Variants in NUP54 observed in about 807,000 individuals in gnomAD.
NUP54 encodes the protein nucleoporin p54.
A neutral mutation model predicts 66.4 loss-of-function variants in NUP54; 27 were observed. The observed-to-expected ratio is 0.41, with a 90% CI of 0.30 to 0.56. The LOEUF is 0.56. Ranked by LOEUF, NUP54 falls within the 20% of genes least tolerant of loss-of-function variation. The pLI, the probability that NUP54 is intolerant of heterozygous loss-of-function variation, is 0.34. For missense variants in NUP54, 486 were observed against 596.3 expected, an observed-to-expected ratio of 0.82 and a Z score of 1.93; for synonymous variants, 206 against 210.7, an observed-to-expected ratio of 0.98 and a Z score of 0.19.
intron 6 of NUP54, 49 bp downstream of exon 6, chr4:76,132,469 TGTTTA>T: frequency 7.5e-7 from 1 of 1,328,708 alleles, no homozygotes; most frequent in South Asian, 1.7e-5. Context: ...ATACGGGGAG[TGTTTA>T]GTTCTAAATC....
intron 1 of NUP54, chr4:76,147,669 ATTTT>A (rs1439704637): frequency 1.6e-6 from 2 of 1,276,728 alleles, no homozygotes; most frequent in Admixed American, 5.0e-5. Flanking sequence ...AAGAAACAAA[ATTTT>A]AAAAAGGGGG....
Position 76,118,171 on chromosome 4 carries a change from T to C in NUP54, c.1188A>G (p.Gln396=). 1 of 1,613,642 alleles carries C rather than the reference T, an allele frequency of 6.2e-7. No homozygotes were observed. Among genetic ancestry groups the C allele is most frequent in the Non-Finnish European group, 8.5e-7 (1 of 1,179,658 alleles). ...CCTGAATGGCATAACCACTCTTCCT[T>C]TGAATTTCCTGTTTGATTAGGACCT... ...TLQVLIKQEI[Q]RKSGYAIQAD... is the part of the protein sequence containing the mutation. Residue 396 remains glutamine, a synonymous_variant, in exon 10 of 12, where the codon CAA becomes CAG. Transcript: ENST00000264883.
intron 5 of NUP54, among the ~76,000 whole-genome samples, chr4:76,133,094 C>A (rs1204086877): frequency 6.6e-6 from 1 of 151,102 alleles, no homozygotes; most frequent in East Asian, 1.9e-4. Context: ...GACGGACACT[C>A]GCTATGTTGC....
At chr4:76,143,859 TA>T in intron 3 of NUP54, among the ~76,000 whole-genome samples, 1 of 152,184 alleles carries the variant, frequency 6.6e-6, no homozygotes, top group Non-Finnish European at 1.5e-5. Flanking sequence ...TTTGTAAACT[TA>T]TATATAATTC....
Position 76,125,784 on chromosome 4 carries a change from G to GGAGAGA in NUP54, c.1057-1029_1057-1028insTCTCTC, listed in dbSNP as rs1553942338. On this transcript the variant is annotated intron_variant, in intron 8 of 11. Transcript: ENST00000264883. ...GGGAGAGGGGGAGAGAGGGAGAGAGGGGGAGAGAGGGAGAGGGAGAGAGAG... is the reference window on the plus strand; with the variant it reads ...GGGAGAGGGGGAGAGAGGGAGAGAGGGAGAGAGGGAGAGAGGGAGAGGGAGAGAGAG... Among the ~76,000 whole-genome samples the GGAGAGA allele has an allele frequency of 8.0e-4, 15 of 18,682 alleles. 1 individual carries two copies. The highest frequency in any genetic ancestry group is 4.0e-3 in the African/African-American group (13 of 3,238). The allele number at this position is 18,682 out of a possible 152,430, so 12.3% of individuals were successfully genotyped here. A position where few individuals can be genotyped will look rare whatever the true frequency, so the allele number is the denominator to read the frequency against.
chr4:76,118,160 C>G lies in NUP54; in HGVS notation c.1199G>C (p.Gly400Ala), dbSNP rs553199013. 5 of 1,613,468 alleles carry G rather than the reference C, an allele frequency of 3.1e-6. No homozygotes were observed. In the South Asian group the frequency reaches 4.4e-5, roughly 14 times the overall value. Reference protein sequence around the residue: ...LIKQEIQRKSGYAIQADEEQL... With the variant: ...LIKQEIQRKSAYAIQADEEQL... ...CTCTTCATCAGCCTGAATGGCATAA[C>G]CACTCTTCCTTTGAATTTCCTGTTT... Residue 400 changes from glycine (G) to alanine (A), a missense_variant, in exon 10 of 12, where the codon GGT (glycine) becomes GCT (alanine). Physicochemically the swap from Gly to Ala is moderately conservative, Grantham distance 60 (BLOSUM62 0). Coordinates refer to ENST00000264883, the MANE Select transcript of NUP54 (RefSeq NM_017426.4).
chr4:76,140,056 T>C (rs1369868121), intron 3 of NUP54, among the ~76,000 whole-genome samples: 1 of 152,170 alleles, frequency 6.6e-6, no homozygotes, highest in Non-Finnish European at 1.5e-5. Context: ...TTGTTATTAC[T>C]GTTTCAAGAA....
At chr4:76,116,347 T>C (rs567923997) in intron 11 of NUP54, among the ~76,000 whole-genome samples, 52 of 152,298 alleles carry the variant, frequency 3.4e-4, no homozygotes, top group Admixed American at 3.3e-3. Flanking sequence ...CATAATAAAA[T>C]TGGATTTGTT....
chr4:76,119,587 A>C (rs1450416712), intron 9 of NUP54, among the ~76,000 whole-genome samples: 2 of 149,816 alleles, frequency 1.3e-5, no homozygotes, highest in African/African-American at 4.9e-5. Context: ...GATGTTGCCC[A>C]GGCTGGTCTC....
intron 3 of NUP54, among the ~76,000 whole-genome samples, chr4:76,137,120 G>A (rs549204338): frequency 2.6e-5 from 4 of 152,144 alleles, no homozygotes; most frequent in South Asian, 4.1e-4. Context: ...ATCCTGAGTC[G>A]CTGGGACTAC....
At chr4:76,130,986 G>T in intron 7 of NUP54, 1 of 600,710 alleles carries the variant, frequency 1.7e-6, no homozygotes, top group Non-Finnish European at 3.0e-6. Context: ...AACGCAAATA[G>T]AATTTTCCGC....
At chr4:76,140,979 T>C (rs769037841) in intron 3 of NUP54, among the ~76,000 whole-genome samples, 14 of 152,172 alleles carry the variant, frequency 9.2e-5, no homozygotes, top group Non-Finnish European at 1.9e-4. Context: ...AAAGTATCAG[T>C]TGTCGAAAGA....
At chr4:76,119,097 C>T (rs2109853682) in intron 9 of NUP54, among the ~76,000 whole-genome samples, 1 of 152,242 alleles carries the variant, frequency 6.6e-6, no homozygotes, top group East Asian at 1.9e-4. Flanking sequence ...TACTCACAGC[C>T]TTTCCAAATA....
chr4:76,118,363 TATC>T (rs752265878), intron 9 of NUP54, 169 bp from the exon 10 acceptor site: 16 of 624,258 alleles, frequency 2.6e-5, no homozygotes, highest in South Asian at 1.1e-4. Context: ...AGGCAAAAGT[TATC>T]ATATAAATAC....
Position 76,134,317 on chromosome 4 carries a change from G to A in NUP54, c.568C>T (p.Leu190=). The A allele has an allele frequency of 6.2e-7, 1 of 1,613,568 alleles. No homozygotes were observed. The highest frequency in any genetic ancestry group is 8.5e-7 in the Non-Finnish European group (1 of 1,179,784). Residue 190 remains leucine (L), a synonymous_variant, in exon 5 of 12, where the codon CTA becomes TTA. Transcript: ENST00000264883. ...CMPSNKDEDG[L]VVLVFNKKET... ...TTTTTGTTGAAAACTAAAACCACTAGCCCATCTTCATCTTTATTACTGGGC... is the reference window on the plus strand; with the variant it reads ...TTTTTGTTGAAAACTAAAACCACTAACCCATCTTCATCTTTATTACTGGGC...
intron 1 of NUP54, among the ~76,000 whole-genome samples, chr4:76,145,067 C>T (rs1484798146): frequency 4.0e-5 from 6 of 151,896 alleles, no homozygotes; most frequent in Non-Finnish European, 7.4e-5. Context: ...GCCTGTAATC[C>T]CAGCACTTTG....
chr4:76,125,645 AGGGGG>A (rs1560678777), intron 8 of NUP54, among the ~76,000 whole-genome samples: 2 of 20,700 alleles, frequency 9.7e-5, no homozygotes, highest in Non-Finnish European at 1.5e-4. Flanking sequence ...AGAGGGGGAG[AGGGGG>A]AGAGGGAGAG....
intron 8 of NUP54, among the ~76,000 whole-genome samples, chr4:76,125,342 A>ACGCG (rs559582443): frequency 6.7e-6 from 1 of 149,718 alleles, no homozygotes. Flanking sequence ...ACACACACAC[A>ACGCG]CACACACACG....
chr4:76,127,159 G>A (rs546751183), intron 8 of NUP54, among the ~76,000 whole-genome samples: 8 of 152,228 alleles, frequency 5.3e-5, no homozygotes, highest in East Asian at 1.9e-4. Context: ...AGGGCTGGGC[G>A]CAGTGGCTCA....
Sources: allele counts gnomAD v4.1 joint callset (sites outside exome capture counted in the v4.1 genomes callset), GRCh38; gene constraint gnomAD v4.1.1; transcripts MANE v1.5; gene names NCBI Gene and HGNC (gene_info 2026-07-23, HGNC 2026-07-21).